Variants in GRIK4 observed in about 807,000 individuals in gnomAD.
The protein encoded by GRIK4 is glutamate ionotropic receptor kainate type subunit 4, also known as glutamate receptor ionotropic, kainate 4.
Under a neutral mutation model 104.9 loss-of-function variants are expected in GRIK4, and 40 were observed. The ratio of observed to expected loss-of-function variants is 0.38; its 90% CI spans 0.30 to 0.50. The LOEUF (loss-of-function observed/expected upper bound fraction) is 0.50. GRIK4 is among the 20% of genes least tolerant of loss of function. The pLI is 0.93. For missense variants in GRIK4, 1,047 were observed against 1,308.1 expected, an observed-to-expected ratio of 0.80 and a Z score of 3.08; for synonymous variants, 485 against 524.9, an observed-to-expected ratio of 0.92 and a Z score of 1.04.
chr11:120,601,644 G>A (rs1223002798), intron 1 of GRIK4, among the ~76,000 whole-genome samples: 2 of 113,294 alleles, frequency 1.8e-5, no homozygotes, highest in Non-Finnish European at 3.6e-5. Context: ...TGTTGTGTGT[G>A]TGGTTTTTTT....
At chr11:120,932,284 G>A (rs1441533769) in intron 13 of GRIK4, among the ~76,000 whole-genome samples, 1 of 151,896 alleles carries the variant, frequency 6.6e-6, no homozygotes, top group Non-Finnish European at 1.5e-5. Context: ...ACACTGCCTG[G>A]TGCAGGGCAG....
chr11:120,718,314 C>T (rs78054866), intron 3 of GRIK4, among the ~76,000 whole-genome samples: 2,180 of 152,256 alleles, frequency 0.014, 64 homozygotes, highest in East Asian at 0.13. Flanking sequence ...CTCCAACTCC[C>T]GGTAGCCTGA....
chr11:120,627,310 C>T (rs1228892912), intron 1 of GRIK4, among the ~76,000 whole-genome samples: 2 of 152,226 alleles, frequency 1.3e-5, no homozygotes, highest in African/African-American at 4.8e-5. Context: ...TGCACTTTCC[C>T]GGTCCTCTCC....
intron 13 of GRIK4, among the ~76,000 whole-genome samples, chr11:120,937,020 C>T (rs1229021998): frequency 6.6e-6 from 1 of 152,100 alleles, no homozygotes; most frequent in Admixed American, 6.6e-5. Flanking sequence ...CTGAAGGCTG[C>T]TTTATAGCAT....
intron 3 of GRIK4, among the ~76,000 whole-genome samples, chr11:120,730,248 C>T (rs780842156): frequency 3.3e-5 from 5 of 152,026 alleles, no homozygotes; most frequent in Non-Finnish European, 7.4e-5. Flanking sequence ...GTCACAGCTA[C>T]TCGGGAGGCT....
At chr11:120,565,403 TACA>T (rs1424117545) in intron 1 of GRIK4, among the ~76,000 whole-genome samples, 4 of 152,238 alleles carry the variant, frequency 2.6e-5, no homozygotes, top group African/African-American at 9.6e-5. Context: ...GACAAGTTGT[TACA>T]ACTGCAGGGA....
intron 11 of GRIK4, among the ~76,000 whole-genome samples, chr11:120,886,478 G>A (rs578093261): frequency 6.6e-6 from 1 of 152,240 alleles, no homozygotes; most frequent in South Asian, 2.1e-4. Context: ...TAATGTTAAC[G>A]CATCAACAGC....
chr11:120,725,541 GA>G (rs1267265020), intron 3 of GRIK4, among the ~76,000 whole-genome samples: 1 of 152,186 alleles, frequency 6.6e-6, no homozygotes, highest in Non-Finnish European at 1.5e-5. Context: ...CAGTGTGTAA[GA>G]AAACAGGAAC....
At chr11:120,858,836 A>T (rs1954188075) in intron 8 of GRIK4, 1 of 152,128 alleles carries the variant, frequency 6.6e-6, no homozygotes, top group South Asian at 2.1e-4. Flanking sequence ...TAAAAAGGAG[A>T]ATTTCCTAAC....
chr11:120,721,745 T>C (rs1950936837), intron 3 of GRIK4, among the ~76,000 whole-genome samples: 1 of 152,134 alleles, frequency 6.6e-6, no homozygotes, highest in Admixed American at 6.5e-5. Flanking sequence ...CTGGATTGGT[T>C]GGTTTGTTCT....
At chr11:120,570,305 C>T (rs1948381148) in intron 1 of GRIK4, among the ~76,000 whole-genome samples, 1 of 152,170 alleles carries the variant, frequency 6.6e-6, no homozygotes, top group South Asian at 2.1e-4. Context: ...TTCTCTGTCC[C>T]ACCCTTCCTG....
chr11:120,526,008 A>G (rs993731706), intron 1 of GRIK4, among the ~76,000 whole-genome samples: 1 of 152,202 alleles, frequency 6.6e-6, no homozygotes, highest in African/African-American at 2.4e-5. Context: ...AGGTGTTTTC[A>G]GTACGTACTG....
intron 3 of GRIK4, among the ~76,000 whole-genome samples, chr11:120,734,841 A>G (rs78828709): frequency 1.3e-5 from 2 of 152,198 alleles, no homozygotes; most frequent in African/African-American, 4.8e-5. Flanking sequence ...CAGTATATCA[A>G]TTGCATTTTT....
intron 6 of GRIK4, among the ~76,000 whole-genome samples, chr11:120,827,682 T>G (rs1953303738): frequency 6.6e-6 from 1 of 152,254 alleles, no homozygotes; most frequent in Non-Finnish European, 1.5e-5. Flanking sequence ...TAATGTAAAT[T>G]TCTTCCACTG....
intron 2 of GRIK4, among the ~76,000 whole-genome samples, chr11:120,659,727 A>G (rs1949779282): frequency 6.6e-6 from 1 of 152,186 alleles, no homozygotes; most frequent in Admixed American, 6.5e-5. Flanking sequence ...CCTTAAGGGC[A>G]GATGAGGGTT....
chr11:120,919,146 A>G (rs1943173637), intron 13 of GRIK4, among the ~76,000 whole-genome samples: 1 of 152,194 alleles, frequency 6.6e-6, no homozygotes, highest in Non-Finnish European at 1.5e-5. Flanking sequence ...TAGGAATTTG[A>G]CAGGCGACAA....
At chr11:120,812,267 A>G (rs1591944320) in intron 4 of GRIK4, among the ~76,000 whole-genome samples, 1 of 152,184 alleles carries the variant, frequency 6.6e-6, no homozygotes, top group Non-Finnish European at 1.5e-5. Flanking sequence ...TTGAGGAGAT[A>G]AGAGGAGTAA....
chr11:120,680,673 T>A (rs193009070), intron 3 of GRIK4, among the ~76,000 whole-genome samples: 4 of 152,296 alleles, frequency 2.6e-5, no homozygotes, highest in Admixed American at 2.6e-4. Flanking sequence ...CTCACTGGCT[T>A]GAAAATGGGG....
chr11:120,751,539 C>G (rs936753131), intron 3 of GRIK4, among the ~76,000 whole-genome samples: 3 of 152,094 alleles, frequency 2.0e-5, no homozygotes, highest in Non-Finnish European at 4.4e-5. Flanking sequence ...GCATAGAGTC[C>G]CCAGGAGCCC....
Sources: allele counts gnomAD v4.1 joint callset (sites outside exome capture counted in the v4.1 genomes callset), GRCh38; gene constraint gnomAD v4.1.1; transcripts MANE v1.5; gene names NCBI Gene and HGNC (gene_info 2026-07-23, HGNC 2026-07-21).